Variants in SLC2A13 observed in about 807,000 individuals in gnomAD.
SLC2A13 encodes proton myo-inositol cotransporter.
Under a neutral mutation model 64.4 loss-of-function variants are expected in SLC2A13, and 32 were observed. The observed-to-expected ratio is 0.50, with a 90% CI of 0.37 to 0.67. The LOEUF (loss-of-function observed/expected upper bound fraction) is 0.67. SLC2A13 is among the 30% of genes least tolerant of loss of function. SLC2A13 has a pLI of 0.00. For synonymous variants in SLC2A13, 338 were observed against 327.1 expected (o/e 1.03, Z -0.36); for missense variants, 743 against 829.2 (o/e 0.90, Z 1.28).
chr12:39,848,262 C>A (rs1282043004), intron 6 of SLC2A13, among the ~76,000 whole-genome samples: 1 of 152,052 alleles, frequency 6.6e-6, no homozygotes, highest in African/African-American at 2.4e-5. Flanking sequence ...TGTGAAAAAA[C>A]ATTTACAAAC....
intron 3 of SLC2A13, among the ~76,000 whole-genome samples, chr12:39,992,879 A>G (rs1947161396): frequency 6.6e-6 from 1 of 152,242 alleles, no homozygotes; most frequent in South Asian, 2.1e-4. Flanking sequence ...TCTCACACAG[A>G]AAAACTGGGG....
chr12:40,073,173 T>C (rs139162274), intron 1 of SLC2A13, among the ~76,000 whole-genome samples: 63 of 152,108 alleles, frequency 4.1e-4, no homozygotes, highest in East Asian at 1.4e-3. Flanking sequence ...CCATCCCTTG[T>C]ATAATTTCTG....
chr12:39,784,505 G>A (rs1218253812), intron 7 of SLC2A13, among the ~76,000 whole-genome samples: 1 of 152,174 alleles, frequency 6.6e-6, no homozygotes, highest in Admixed American at 6.5e-5. Context: ...ATGGTGCTGG[G>A]AAAACTCGCT....
intron 4 of SLC2A13, among the ~76,000 whole-genome samples, chr12:39,938,371 C>T (rs779970542): frequency 1.3e-4 from 20 of 151,036 alleles, no homozygotes; most frequent in Non-Finnish European, 2.2e-4. Flanking sequence ...ACCATGTTTC[C>T]GCACACAAAA....
intron 1 of SLC2A13, among the ~76,000 whole-genome samples, chr12:40,094,911 T>C (rs906877016): frequency 6.6e-6 from 1 of 152,074 alleles, no homozygotes; most frequent in Non-Finnish European, 1.5e-5. Context: ...AGTTCATCTA[T>C]AGAAACAGGA....
At chr12:39,769,663 C>G (rs1940489690) in intron 7 of SLC2A13, among the ~76,000 whole-genome samples, 2 of 151,936 alleles carry the variant, frequency 1.3e-5, no homozygotes, top group African/African-American at 4.8e-5. Context: ...CACGTTCCAT[C>G]AATATCTCTT....
chr12:39,924,862 A>G (rs1845415759), intron 4 of SLC2A13, among the ~76,000 whole-genome samples: 1 of 152,100 alleles, frequency 6.6e-6, no homozygotes, highest in Non-Finnish European at 1.5e-5. Flanking sequence ...TAAAAGAAGT[A>G]TGAAGAATAA....
chr12:39,945,750 C>T (rs1276257645), intron 4 of SLC2A13, among the ~76,000 whole-genome samples: 2 of 152,128 alleles, frequency 1.3e-5, no homozygotes, highest in Admixed American at 1.3e-4. Flanking sequence ...TTTCTCCCTT[C>T]ACTTCTTGTA....
intron 2 of SLC2A13, among the ~76,000 whole-genome samples, chr12:40,034,565 C>T (rs143807932): frequency 1.4e-3 from 217 of 152,098 alleles, no homozygotes; most frequent in Non-Finnish European, 2.9e-3. Context: ...GTTTTATTTC[C>T]ACTCTGTCTT....
chr12:39,898,512 A>G lies in SLC2A13; in HGVS notation c.1035-26551T>C, dbSNP rs552843800. On this transcript the variant is annotated intron_variant, in intron 4 of 9. Coordinates refer to ENST00000280871, the MANE Select transcript of SLC2A13 (RefSeq NM_052885.4). ...TAGTAGCCACGCTTTTCCCCCCTCT[A>G]TCATTGAACAGATTACTATTCCTTC... 2.6e-5 allele frequency among the ~76,000 whole-genome samples: 4 copies of G among 152,108 alleles called. No homozygotes were observed. The East Asian group carries it at 7.7e-4, about 29-fold the overall frequency.
chr12:40,075,316 T>A (rs1339391822), intron 1 of SLC2A13, among the ~76,000 whole-genome samples: 3 of 152,154 alleles, frequency 2.0e-5, no homozygotes, highest in African/African-American at 4.8e-5. Context: ...GGTTTTCCTA[T>A]ACAAGCAATG....
intron 7 of SLC2A13, among the ~76,000 whole-genome samples, chr12:39,816,756 T>A (rs1030781858): frequency 6.6e-6 from 1 of 152,080 alleles, no homozygotes; most frequent in Non-Finnish European, 1.5e-5. Flanking sequence ...TTGGTTATGC[T>A]GCAAGAACCT....
At chr12:40,061,784 G>A (rs1948427999) in intron 1 of SLC2A13, among the ~76,000 whole-genome samples, 1 of 151,284 alleles carries the variant, frequency 6.6e-6, no homozygotes, top group African/African-American at 2.4e-5. Flanking sequence ...AAATGAGTTT[G>A]TGGGGGTTTT....
At chr12:39,978,440 C>G (rs1946807148) in intron 3 of SLC2A13, among the ~76,000 whole-genome samples, 2 of 152,272 alleles carry the variant, frequency 1.3e-5, no homozygotes, top group South Asian at 4.1e-4. Context: ...GAGTGCCAGA[C>G]AGTGGGCGCA....
At chr12:40,035,892 G>A (rs1791466339) in intron 2 of SLC2A13, among the ~76,000 whole-genome samples, 1 of 152,150 alleles carries the variant, frequency 6.6e-6, no homozygotes, top group South Asian at 2.1e-4. Flanking sequence ...CAATGAATAT[G>A]GCATTTTGCA....
chr12:39,978,450 A>T (rs2136142301), intron 3 of SLC2A13, among the ~76,000 whole-genome samples: 1 of 152,294 alleles, frequency 6.6e-6, no homozygotes, highest in Admixed American at 6.5e-5. Context: ...CAGTGGGCGC[A>T]GGCCAGTGGG....
At chr12:39,841,812 A>G (rs1317339196) in intron 6 of SLC2A13, among the ~76,000 whole-genome samples, 1 of 152,080 alleles carries the variant, frequency 6.6e-6, no homozygotes, top group Non-Finnish European at 1.5e-5. Flanking sequence ...TAGAAAAATT[A>G]GAAGGAATAC....
intron 6 of SLC2A13, among the ~76,000 whole-genome samples, chr12:39,847,665 C>G (rs1377174089): frequency 6.6e-6 from 1 of 151,976 alleles, no homozygotes; most frequent in Non-Finnish European, 1.5e-5. Context: ...GCACATTGGT[C>G]CCCAACTCCT....
intron 3 of SLC2A13, among the ~76,000 whole-genome samples, chr12:39,958,628 C>T (rs1224648864): frequency 6.6e-6 from 1 of 152,164 alleles, no homozygotes; most frequent in Non-Finnish European, 1.5e-5. Flanking sequence ...ATAACAGAAC[C>T]ATCAGGGCCT....
Sources: gnomAD v4.1 joint callset for allele counts (sites outside exome capture counted in the v4.1 genomes callset) on GRCh38, gnomAD v4.1.1 for gene constraint, MANE v1.5 for transcripts, NCBI Gene and HGNC (gene_info 2026-07-23, HGNC 2026-07-21) for gene names.